Variants in PRCP observed in about 807,000 individuals in gnomAD.
The protein encoded by PRCP is lysosomal Pro-X carboxypeptidase.
PRCP carries 46 observed loss-of-function variants against 54.2 expected under a neutral mutation model. The observed-to-expected ratio is 0.85, with a 90% CI of 0.67 to 1.09. The LOEUF is 1.09. Among genes scored for constraint, PRCP ranks in the 50% least tolerant of loss-of-function variants. The pLI, the probability that PRCP is intolerant of heterozygous loss-of-function variation, is 0.00. For missense variants in PRCP, 613 were observed against 596.8 expected, an observed-to-expected ratio of 1.03 and a Z score of -0.28; for synonymous variants, 240 against 212.2, an observed-to-expected ratio of 1.13 and a Z score of -1.14.
At chr11:82,866,963 C>A (rs1011960963) in intron 1 of PRCP, among the ~76,000 whole-genome samples, 1 of 152,128 alleles carries the variant, frequency 6.6e-6, no homozygotes, top group Non-Finnish European at 1.5e-5. Flanking sequence ...CTCAAGTGAT[C>A]CACCTGCCTC....
At chr11:82,835,636 A>G in intron 8 of PRCP, 1 of 307,102 alleles carries the variant, frequency 3.3e-6, no homozygotes, top group South Asian at 2.9e-5. Context: ...AACCAGAACC[A>G]GCTGAGGACA....
intron 1 of PRCP, among the ~76,000 whole-genome samples, chr11:82,886,243 A>T (rs1859859579): frequency 6.6e-6 from 1 of 152,180 alleles, no homozygotes; most frequent in Admixed American, 6.5e-5. Context: ...ACTGTCTAAT[A>T]TGGGTTAATA....
chr11:82,891,859 A>C (rs1347954007), intron 1 of PRCP, among the ~76,000 whole-genome samples: 1 of 152,238 alleles, frequency 6.6e-6, no homozygotes, highest in East Asian at 1.9e-4. Flanking sequence ...TTAACGCATA[A>C]ACATTTTATC....
intron 8 of PRCP, among the ~76,000 whole-genome samples, chr11:82,833,167 G>C (rs1858430212): frequency 6.6e-6 from 1 of 152,172 alleles, no homozygotes; most frequent in African/African-American, 2.4e-5. Context: ...AGATGCTAAA[G>C]ATACAGAGAT....
chr11:82,871,177 CTTTTTTTTTT>C (rs146234682), intron 1 of PRCP, among the ~76,000 whole-genome samples: 4 of 117,392 alleles, frequency 3.4e-5, no homozygotes, highest in African/African-American at 6.3e-5. Context: ...AAATGTTTCT[CTTTTTTTTTT>C]TTTTTTTTTT....
At chr11:82,889,427 A>T (rs1386822268) in intron 1 of PRCP, among the ~76,000 whole-genome samples, 4 of 151,782 alleles carry the variant, frequency 2.6e-5, no homozygotes, top group African/African-American at 9.7e-5. Flanking sequence ...GGGATGGAGG[A>T]AGGAGGGGGA....
chr11:82,877,506 T>G (rs1160520752), intron 1 of PRCP, among the ~76,000 whole-genome samples: 1 of 152,184 alleles, frequency 6.6e-6, no homozygotes, highest in East Asian at 1.9e-4. Flanking sequence ...GTGTGCAGCC[T>G]AGGGACTGGG....
chr11:82,856,052 T>A (rs1859075167), intron 2 of PRCP, among the ~76,000 whole-genome samples: 1 of 152,134 alleles, frequency 6.6e-6, no homozygotes, highest in Non-Finnish European at 1.5e-5. Context: ...ATGCCTGTAA[T>A]CCCAGCACTT....
Position 82,900,337 on chromosome 11 carries a change from G to GT in PRCP, c.65_66insA (p.Arg23ProfsTer36), listed in dbSNP as rs1860242606. ...TGCCGAGGGCCCTTAAGGCCGGCCG[G>GT]AGGGCTATGGTGGCCCAGGGCGCCA... On this transcript the variant is annotated frameshift_variant, in exon 1 of 9. Coordinates refer to ENST00000313010, the MANE Select transcript of PRCP (RefSeq NM_005040.4). LOFTEE classifies it high-confidence loss of function. 3 of 1,614,052 alleles carry GT rather than the reference G, an allele frequency of 1.9e-6. No individual in the cohort carries two copies. The highest frequency in any genetic ancestry group is 2.5e-6 in the Non-Finnish European group (3 of 1,180,006).
chr11:82,869,674 T>G (rs544327140), intron 1 of PRCP, among the ~76,000 whole-genome samples: 1 of 152,122 alleles, frequency 6.6e-6, no homozygotes, highest in Non-Finnish European at 1.5e-5. Flanking sequence ...AATGAATATA[T>G]AGAGAGTAAA....
intron 1 of PRCP, among the ~76,000 whole-genome samples, chr11:82,890,546 T>C (rs184808584): frequency 1.4e-4 from 22 of 152,308 alleles, no homozygotes; most frequent in African/African-American, 4.8e-4. Flanking sequence ...TCCCTTAGCA[T>C]ACATTCGATT....
chr11:82,859,465 A>G (rs1859159995), intron 2 of PRCP, among the ~76,000 whole-genome samples: 1 of 152,160 alleles, frequency 6.6e-6, no homozygotes, highest in African/African-American at 2.4e-5. Context: ...CACTGACAAT[A>G]TAACACTAAA....
chr11:82,835,824 C>A, intron 8 of PRCP: 1 of 502,572 alleles, frequency 2.0e-6, no homozygotes, highest in South Asian at 1.5e-5. Context: ...CCAGATGAAC[C>A]AGAGGAGGAC....
At chr11:82,887,943 C>A (rs1033544206) in intron 1 of PRCP, among the ~76,000 whole-genome samples, 2 of 152,148 alleles carry the variant, frequency 1.3e-5, no homozygotes, top group Non-Finnish European at 2.9e-5. Flanking sequence ...GGATCTTTCC[C>A]TTTTTGTTCC....
At chr11:82,827,227 T>C (rs530404008) in intron 8 of PRCP, 1 of 152,356 alleles carries the variant, frequency 6.6e-6, no homozygotes, top group East Asian at 1.9e-4. Context: ...CTTCTAACTT[T>C]CTTGATAGTA....
chr11:82,834,408 T>C (rs1408350060), intron 8 of PRCP, among the ~76,000 whole-genome samples: 1 of 152,236 alleles, frequency 6.6e-6, no homozygotes, highest in Non-Finnish European at 1.5e-5. Context: ...TAACTGTCAC[T>C]TTATAAGACT....
At chr11:82,835,790 A>G in intron 8 of PRCP, 1 of 475,448 alleles carries the variant, frequency 2.1e-6, no homozygotes. Context: ...AAAGGATCTT[A>G]AGATTGAAAG....
chr11:82,901,521 G>C (rs758635800), upstream of PRCP: 1 of 155,560 alleles, frequency 6.4e-6, no homozygotes, highest in East Asian at 1.9e-4. Flanking sequence ...ACGCCCAGGA[G>C]GCTCAGCGAA....
upstream of PRCP, chr11:82,900,825 A>G (rs920625203): frequency 4.3e-6 from 2 of 461,778 alleles, no homozygotes; most frequent in Non-Finnish European, 4.3e-6. Context: ...CCGCAATTCC[A>G]TTGCGACACC....
Sources: allele counts gnomAD v4.1 joint callset (sites outside exome capture counted in the v4.1 genomes callset), GRCh38; gene constraint gnomAD v4.1.1; transcripts MANE v1.5; gene names NCBI Gene and HGNC (gene_info 2026-07-23, HGNC 2026-07-21).